ERBB4: variants seen among roughly 807,000 people sequenced by gnomAD.
The protein encoded by ERBB4 is erb-b2 receptor tyrosine kinase 4.
ERBB4 carries 42 observed loss-of-function variants against 158.0 expected under a neutral mutation model. The observed-to-expected ratio is 0.27, with a 90% CI of 0.21 to 0.34. The LOEUF (loss-of-function observed/expected upper bound fraction) is 0.34, where lower values mean the gene tolerates loss of function less well. Among genes scored for constraint, ERBB4 ranks in the 10% least tolerant of loss-of-function variants. The pLI is 1.00. For missense variants in ERBB4, 1,333 were observed against 1,624.1 expected (o/e 0.82, Z 3.08); for synonymous variants, 583 against 558.7 (o/e 1.04, Z -0.61).
At chr2:212,088,213 G>C (rs1235517842) in intron 2 of ERBB4, among the ~76,000 whole-genome samples, 1 of 152,002 alleles carries the variant, frequency 6.6e-6, no homozygotes, top group African/African-American at 2.4e-5. Flanking sequence ...AACATCAAAG[G>C]GTTATTGAAC....
chr2:212,209,248 A>G (rs959310792), intron 1 of ERBB4, among the ~76,000 whole-genome samples: 3 of 152,226 alleles, frequency 2.0e-5, no homozygotes. Flanking sequence ...ATAGCAATAT[A>G]GAACTGAATG....
chr2:211,685,230 A>AG (rs935845657), intron 12 of ERBB4, among the ~76,000 whole-genome samples: 6 of 152,076 alleles, frequency 3.9e-5, no homozygotes, highest in Non-Finnish European at 8.8e-5. Context: ...TGATTTCTCC[A>AG]TTTTTTACCT....
At chr2:212,011,995 G>A (rs2076399316) in intron 2 of ERBB4, among the ~76,000 whole-genome samples, 1 of 152,082 alleles carries the variant, frequency 6.6e-6, no homozygotes, top group African/African-American at 2.4e-5. Flanking sequence ...AACCATTTCG[G>A]TTACCGTGAA....
At chr2:212,200,988 A>G (rs2082572842) in intron 1 of ERBB4, among the ~76,000 whole-genome samples, 1 of 152,180 alleles carries the variant, frequency 6.6e-6, no homozygotes, top group African/African-American at 2.4e-5. Flanking sequence ...ACTTGTGAAA[A>G]ACATTTCCAG....
intron 3 of ERBB4, among the ~76,000 whole-genome samples, chr2:211,928,781 GTTC>G (rs1279669722): frequency 2.6e-5 from 4 of 151,968 alleles, no homozygotes; most frequent in Non-Finnish European, 5.9e-5. Flanking sequence ...AAGTTGAAGT[GTTC>G]TTGTCAGGTT....
At chr2:212,408,082 TTTTA>T (rs1029051429) in intron 1 of ERBB4, among the ~76,000 whole-genome samples, 32 of 151,930 alleles carry the variant, frequency 2.1e-4, no homozygotes, top group African/African-American at 7.2e-4. Flanking sequence ...TTTTATTTAT[TTTTA>T]TTTATTTATT....
At chr2:211,998,093 T>C (rs2076009205) in intron 2 of ERBB4, among the ~76,000 whole-genome samples, 1 of 151,734 alleles carries the variant, frequency 6.6e-6, no homozygotes, top group Admixed American at 6.6e-5. Context: ...AAATGATGAG[T>C]TAATGGGTGC....
intron 1 of ERBB4, among the ~76,000 whole-genome samples, chr2:212,262,476 GA>G (rs1426433493): frequency 2.1e-4 from 32 of 152,006 alleles, no homozygotes; most frequent in Admixed American, 2.0e-4. Flanking sequence ...GAAAAATCAT[GA>G]AAAGAGAGCA....
chr2:211,861,350 G>GTTTTTTTTTTTTTTTTTTTTTTTTT (rs67133944), intron 3 of ERBB4, among the ~76,000 whole-genome samples: 11 of 88,962 alleles, frequency 1.2e-4, no homozygotes, highest in East Asian at 1.1e-3. Context: ...TTTTTTTTTT[G>GTTTTTTTTTTTTTTTTTTTTTTTTT]TTTTTTTTTT....
intron 1 of ERBB4, among the ~76,000 whole-genome samples, chr2:212,497,686 AGTATC>A (rs1419085358): frequency 6.6e-6 from 1 of 152,162 alleles, no homozygotes; most frequent in African/African-American, 2.4e-5. Context: ...GCTTATCTAA[AGTATC>A]AATTAGTCAA....
At position 211,753,245 on chromosome 2, in the gene ERBB4, A is replaced by T. The variant is rs555616516; in HGVS notation, c.557-2541T>A. Among the ~76,000 whole-genome samples, 3 of 152,032 alleles carry T rather than the reference A, an allele frequency of 2.0e-5. No individual in the cohort carries two copies. The South Asian group carries it at 6.2e-4, about 32-fold the overall frequency. On this transcript the variant is annotated intron_variant, in intron 4 of 27. Transcript: ENST00000342788. ...TCTTGTAGATAATTGGGAAGTACAGAGAGAGTTCCCATAGTAATTATCTGC... is the reference window on the plus strand; with the variant it reads ...TCTTGTAGATAATTGGGAAGTACAGTGAGAGTTCCCATAGTAATTATCTGC...
intron 2 of ERBB4, among the ~76,000 whole-genome samples, chr2:211,976,540 T>C (rs994205162): frequency 6.6e-6 from 1 of 152,082 alleles, no homozygotes; most frequent in African/African-American, 2.4e-5. Flanking sequence ...CAGAAATGAG[T>C]GAGCCATTCA....
intron 16 of ERBB4, among the ~76,000 whole-genome samples, chr2:211,635,270 G>T (rs149530116): frequency 7.7e-4 from 117 of 152,224 alleles, no homozygotes; most frequent in Non-Finnish European, 1.4e-3. Flanking sequence ...TCCCACTACT[G>T]AAGAAACTAA....
chr2:211,537,475 T>C (rs1559272551), intron 20 of ERBB4, among the ~76,000 whole-genome samples: 1 of 151,952 alleles, frequency 6.6e-6, no homozygotes, highest in South Asian at 2.1e-4. Flanking sequence ...TTTCTCAGAG[T>C]TATAACATGT....
At chr2:212,095,946 G>GAAAAAAAAAAAAA (rs35084866) in intron 2 of ERBB4, among the ~76,000 whole-genome samples, 3 of 130,088 alleles carry the variant, frequency 2.3e-5, no homozygotes, top group African/African-American at 2.9e-5. Flanking sequence ...AAAAAAAAAA[G>GAAAAAAAAAAAAA]AAAAAAAAAA....
intron 22 of ERBB4, among the ~76,000 whole-genome samples, chr2:211,427,988 A>G (rs1350397899): frequency 1.3e-5 from 2 of 151,480 alleles, no homozygotes; most frequent in East Asian, 3.9e-4. Flanking sequence ...TATTTAGAAT[A>G]TTTTGTTGCT....
intron 20 of ERBB4, among the ~76,000 whole-genome samples, chr2:211,471,569 T>C (rs1197143104): frequency 6.6e-6 from 1 of 152,166 alleles, no homozygotes; most frequent in East Asian, 1.9e-4. Flanking sequence ...ATTGTATCAA[T>C]ATCCAACTGC....
At chr2:211,527,281 A>T (rs2066374250) in intron 20 of ERBB4, among the ~76,000 whole-genome samples, 1 of 152,114 alleles carries the variant, frequency 6.6e-6, no homozygotes, top group African/African-American at 2.4e-5. Context: ...GCCAGGAGGG[A>T]GTGGCATGAC....
chr2:211,731,615 T>C (rs2074429650), intron 5 of ERBB4, among the ~76,000 whole-genome samples: 1 of 152,170 alleles, frequency 6.6e-6, no homozygotes, highest in African/African-American at 2.4e-5. Flanking sequence ...GGAGGCTTGA[T>C]GAAATGTTCT....
Sources: gnomAD v4.1 joint callset for allele counts (sites outside exome capture counted in the v4.1 genomes callset) on GRCh38, gnomAD v4.1.1 for gene constraint, MANE v1.5 for transcripts, NCBI Gene and HGNC (gene_info 2026-07-23, HGNC 2026-07-21) for gene names.